The following ATP8A2 variants were observed in gnomAD, a reference collection of about 807,000 sequenced individuals.
ATP8A2 encodes the protein phospholipid-transporting ATPase IB.
A neutral mutation model predicts 165.6 loss-of-function variants in ATP8A2; 100 were observed. The observed-to-expected ratio is 0.60, with a 90% CI of 0.51 to 0.71. ATP8A2 has a LOEUF of 0.71. Ranked by LOEUF, ATP8A2 falls within the 30% of genes least tolerant of loss-of-function variation. ATP8A2 has a pLI of 0.00. For missense variants in ATP8A2, 1,227 were observed against 1,479.5 expected (o/e 0.83, Z 2.80); for synonymous variants, 543 against 548.8 (o/e 0.99, Z 0.15).
intron 25 of ATP8A2, among the ~76,000 whole-genome samples, chr13:25,730,846 CA>C (rs1314222365): frequency 6.6e-6 from 1 of 151,868 alleles, no homozygotes; most frequent in Non-Finnish European, 1.5e-5. Flanking sequence ...GAGGCCAAGA[CA>C]GGAGAATTAC....
At chr13:25,575,157 T>C (rs1291889736) in intron 19 of ATP8A2, among the ~76,000 whole-genome samples, 1 of 152,158 alleles carries the variant, frequency 6.6e-6, no homozygotes, top group East Asian at 1.9e-4. Context: ...CTGAATAGTT[T>C]GGAGCATGTG....
chr13:25,458,304 A>G (rs181437626), intron 1 of ATP8A2, among the ~76,000 whole-genome samples: 212 of 152,358 alleles, frequency 1.4e-3, no homozygotes, highest in Non-Finnish European at 2.5e-3. Context: ...ATATAGTTAT[A>G]TTATAAATAT....
At chr13:25,615,386 A>G (rs915212501) in intron 24 of ATP8A2, among the ~76,000 whole-genome samples, 1 of 151,954 alleles carries the variant, frequency 6.6e-6, no homozygotes, top group Non-Finnish European at 1.5e-5. Context: ...TCTCATTCCT[A>G]CCGTATGTCC....
At chr13:25,637,345 A>G (rs1593702363) in intron 24 of ATP8A2, among the ~76,000 whole-genome samples, 1 of 152,134 alleles carries the variant, frequency 6.6e-6, no homozygotes. Flanking sequence ...GGGTCAGGGA[A>G]TTCCCTTTCC....
intron 30 of ATP8A2, among the ~76,000 whole-genome samples, chr13:25,844,865 A>G (rs1951823270): frequency 6.6e-6 from 1 of 152,214 alleles, no homozygotes; most frequent in South Asian, 2.1e-4. Context: ...CTATGGAGAG[A>G]ACCTCAGGTA....
At chr13:25,677,349 G>T (rs1269446774) in intron 24 of ATP8A2, among the ~76,000 whole-genome samples, 2 of 152,164 alleles carry the variant, frequency 1.3e-5, no homozygotes, top group Admixed American at 1.3e-4. Context: ...ATCCATAATG[G>T]TTTTCAATTT....
chr13:25,567,362 TG>T (rs1177273157), intron 16 of ATP8A2: 1 of 456,712 alleles, frequency 2.2e-6, no homozygotes, highest in Non-Finnish European at 4.4e-6. Context: ...CCATGGTGAG[TG>T]GAAAGAACTT....
chr13:25,520,768 A>G (rs1273173131), intron 2 of ATP8A2, among the ~76,000 whole-genome samples: 1 of 151,008 alleles, frequency 6.6e-6, no homozygotes, highest in Non-Finnish European at 1.5e-5. Flanking sequence ...CACCTGGCTA[A>G]TTTTTTGTAT....
chr13:25,951,836 G>A (rs1955373556), intron 33 of ATP8A2, among the ~76,000 whole-genome samples: 1 of 152,170 alleles, frequency 6.6e-6, no homozygotes, highest in Non-Finnish European at 1.5e-5. Flanking sequence ...CAAAGTAAGT[G>A]TGTTTGTTAT....
intron 4 of ATP8A2, 94 bp downstream of exon 4, chr13:25,530,754 G>A (rs2038005043): frequency 2.6e-6 from 2 of 783,018 alleles, no homozygotes; most frequent in Admixed American, 4.6e-5. Flanking sequence ...AGGAAATTGG[G>A]CTATAGCTTA....
At chr13:25,477,702 C>T (rs1350311855) in intron 2 of ATP8A2, among the ~76,000 whole-genome samples, 2 of 152,104 alleles carry the variant, frequency 1.3e-5, no homozygotes, top group Admixed American at 6.5e-5. Context: ...TTTGGGAGGC[C>T]GAGGCAGGCA....
chr13:25,910,900 T>G (rs1373052876), intron 33 of ATP8A2, among the ~76,000 whole-genome samples: 3 of 151,902 alleles, frequency 2.0e-5, no homozygotes, highest in African/African-American at 7.3e-5. Flanking sequence ...AATGAGCAGA[T>G]TAAATGGATG....
intron 33 of ATP8A2, among the ~76,000 whole-genome samples, chr13:25,931,163 G>A (rs1475633481): frequency 2.0e-4 from 30 of 152,236 alleles, no homozygotes; most frequent in African/African-American, 6.7e-4. Flanking sequence ...TCCACACCTG[G>A]GCTGATGTGC....
chr13:25,405,282 G>A (rs746267612), intron 1 of ATP8A2, among the ~76,000 whole-genome samples: 19 of 152,198 alleles, frequency 1.2e-4, no homozygotes, highest in South Asian at 4.1e-4. Flanking sequence ...GGGATGGGAA[G>A]AGGCTGCTGA....
intron 33 of ATP8A2, among the ~76,000 whole-genome samples, chr13:25,914,156 A>G (rs1253463025): frequency 6.6e-6 from 1 of 151,748 alleles, no homozygotes; most frequent in African/African-American, 2.4e-5. Flanking sequence ...TTTCCATCTC[A>G]TTTGCCAGTT....
At chr13:25,622,043 A>G (rs1425313479) in intron 24 of ATP8A2, among the ~76,000 whole-genome samples, 2 of 151,994 alleles carry the variant, frequency 1.3e-5, no homozygotes, top group East Asian at 3.9e-4. Context: ...CATCTCTGCT[A>G]AAAACATAAA....
chr13:25,526,750 A>T (rs2037853218), intron 2 of ATP8A2, among the ~76,000 whole-genome samples: 1 of 152,222 alleles, frequency 6.6e-6, no homozygotes, highest in African/African-American at 2.4e-5. Flanking sequence ...CAAAGTTTCC[A>T]GAGTTGGGGA....
chr13:25,568,343 G>A (rs2039375501), intron 16 of ATP8A2, among the ~76,000 whole-genome samples: 1 of 152,204 alleles, frequency 6.6e-6, no homozygotes, highest in Admixed American at 6.5e-5. Flanking sequence ...TCTTCAAGAA[G>A]AAATCACTTA....
Position 25,885,414 on chromosome 13 carries a change from G to A in ATP8A2, c.3183+23006G>A, listed in dbSNP as rs146354761. Among the ~76,000 whole-genome samples the A allele has an allele frequency of 1.2e-3, 187 of 152,048 alleles. 1 individual carries two copies. Among genetic ancestry groups the A allele is most frequent in the African/African-American group, 4.1e-3 (172 of 41,506 alleles). On this transcript the variant is annotated intron_variant, in intron 33 of 36. Transcript: ENST00000381655. ...AGGCATGAGCCACCGCACCAAGCCC[G>A]CTTGCTTCTTTTCTCTAATGTCTCT...
Sources: gnomAD v4.1 joint callset for allele counts (sites outside exome capture counted in the v4.1 genomes callset) on GRCh38, gnomAD v4.1.1 for gene constraint, MANE v1.5 for transcripts, NCBI Gene and HGNC (gene_info 2026-07-23, HGNC 2026-07-21) for gene names.